The following SYT17 variants were observed in gnomAD, a reference collection of about 807,000 sequenced individuals.
SYT17 encodes the protein synaptotagmin 17, also known as synaptotagmin-17.
A neutral mutation model predicts 46.7 loss-of-function variants in SYT17; 22 were observed. The observed-to-expected ratio is 0.47, with a 90% CI of 0.34 to 0.67. The LOEUF (loss-of-function observed/expected upper bound fraction) is 0.67, where lower values mean the gene tolerates loss of function less well. SYT17 is among the 30% of genes least tolerant of loss of function. The pLI, the probability that SYT17 is intolerant of heterozygous loss-of-function variation, is 0.01. For missense variants in SYT17, 519 were observed against 612.8 expected (o/e 0.85, Z 1.62); for synonymous variants, 251 against 248.4 (o/e 1.01, Z -0.10).
chr16:19,230,516 G>A lies in SYT17; in HGVS notation c.1228+5678G>A, dbSNP rs1966643040. 3.9e-5 allele frequency among the ~76,000 whole-genome samples: 6 copies of A among 152,186 alleles called. No homozygotes were observed. The South Asian group carries it at 1.2e-3, about 32-fold the overall frequency. On this transcript the variant is annotated intron_variant, in intron 7 of 7. Transcript: ENST00000355377. ...AAAAATGGTTACTTTTATGTTACAC[G>A]TATTTTGCTATAATTAGAAGGAAAG...
At chr16:19,239,229 A>T (rs1325009875) in intron 7 of SYT17, among the ~76,000 whole-genome samples, 1 of 152,098 alleles carries the variant, frequency 6.6e-6, no homozygotes, top group African/African-American at 2.4e-5. Flanking sequence ...GTGAGCTATA[A>T]TCATACCACT....
At chr16:19,242,823 C>A (rs1199915156) in intron 7 of SYT17, among the ~76,000 whole-genome samples, 3 of 152,122 alleles carry the variant, frequency 2.0e-5, no homozygotes, top group Non-Finnish European at 2.9e-5. Flanking sequence ...GCCACCACAC[C>A]CAGCCTTAGA....
chr16:19,256,119 G>C (rs190004700), intron 7 of SYT17, among the ~76,000 whole-genome samples: 4 of 152,164 alleles, frequency 2.6e-5, no homozygotes, highest in African/African-American at 9.7e-5. Flanking sequence ...TTGTTGTGCG[G>C]ATTAAATTTG....
chr16:19,183,937 C>G lies in SYT17; in HGVS notation c.741C>G (p.Val247=). 1 of 1,614,224 alleles carries G rather than the reference C, an allele frequency of 6.2e-7. No individual in the cohort carries two copies. Among genetic ancestry groups the G allele is most frequent in the Non-Finnish European group, 8.5e-7 (1 of 1,180,050 alleles). The change falls in exon 5 of 8, where the codon GTC becomes GTG. Residue 247 remains valine, a synonymous_variant. Transcript: ENST00000355377. This position sits in a 1 kb window ranked among gnomAD's most constrained non-coding sequence, Gnocchi z 5.6. ...PDQKNSKQTG[V]KRKTQKPVFE... is the part of the protein sequence containing the mutation. Reference sequence around the variant, plus strand: ...AGAAGAACTCAAAGCAGACCGGGGTCAAACGCAAGACCCAGAAGCCCGTGT... The same window carrying G: ...AGAAGAACTCAAAGCAGACCGGGGTGAAACGCAAGACCCAGAAGCCCGTGT...
intron 1 of SYT17, chr16:19,172,350 G>C (rs978297665): frequency 7.2e-7 from 1 of 1,382,466 alleles, no homozygotes; most frequent in African/African-American, 1.5e-5. Flanking sequence ...GTGCCTGCCT[G>C]CATGTTAGCT....
At chr16:19,178,720 G>C (rs1036133147) in intron 3 of SYT17, among the ~76,000 whole-genome samples, 25 of 152,138 alleles carry the variant, frequency 1.6e-4, no homozygotes, top group East Asian at 9.6e-4. Flanking sequence ...TGTCAAGTTG[G>C]GGGGTATGCA....
At chr16:19,256,258 T>C (rs2142999509) in intron 7 of SYT17, among the ~76,000 whole-genome samples, 1 of 152,058 alleles carries the variant, frequency 6.6e-6, no homozygotes, top group African/African-American at 2.4e-5. Flanking sequence ...GCTGCTTGAC[T>C]GAACAGGGAG....
intron 7 of SYT17, among the ~76,000 whole-genome samples, chr16:19,235,704 G>T (rs867312867): frequency 6.6e-6 from 1 of 152,180 alleles, no homozygotes; most frequent in Non-Finnish European, 1.5e-5. Flanking sequence ...TGAAAAGAAT[G>T]ATAAGGTAGA....
chr16:19,177,993 C>T (rs1195977218), intron 3 of SYT17, among the ~76,000 whole-genome samples: 1 of 152,076 alleles, frequency 6.6e-6, no homozygotes, highest in Non-Finnish European at 1.5e-5. Context: ...AACAGTGGTG[C>T]AAATTAGTTA....
chr16:19,266,931 T>C lies in SYT17; in HGVS notation c.1280T>C (p.Ile427Thr), dbSNP rs528279520. The part of the protein sequence containing the change: ...SSNDFIGRIV[I>T]GQYSSGPSET... ...AATGACTTCATCGGGAGGATCGTCA[T>C]TGGCCAGTACTCTTCAGGCCCCTCT... Residue 427 changes from isoleucine to threonine, a missense_variant, in exon 8 of 8, where the codon ATT becomes ACT. Coordinates refer to ENST00000355377, the MANE Select transcript of SYT17 (RefSeq NM_016524.4). 1.2e-6 allele frequency: 2 copies of C among 1,613,712 alleles called. No homozygotes were observed. Among genetic ancestry groups the C allele is most frequent in the Admixed American group, 1.7e-5 (1 of 59,984 alleles).
intron 3 of SYT17, among the ~76,000 whole-genome samples, chr16:19,174,424 C>G (rs1964232187): frequency 6.6e-6 from 1 of 152,146 alleles, no homozygotes; most frequent in Admixed American, 6.5e-5. Context: ...GGGAGACAGA[C>G]AGCGGCCAGG....
intron 7 of SYT17, among the ~76,000 whole-genome samples, chr16:19,233,875 T>C (rs1596993970): frequency 1.3e-5 from 2 of 152,076 alleles, no homozygotes; most frequent in African/African-American, 4.8e-5. Flanking sequence ...AGCCCACCCA[T>C]GACATACCTT....
chr16:19,238,701 G>T (rs941488696), intron 7 of SYT17, among the ~76,000 whole-genome samples: 1 of 152,180 alleles, frequency 6.6e-6, no homozygotes, highest in African/African-American at 2.4e-5. Context: ...GAGCATCGGG[G>T]AGCTGAGGGT....
At chr16:19,216,680 G>C (rs565484146) in intron 5 of SYT17, among the ~76,000 whole-genome samples, 53 of 152,096 alleles carry the variant, frequency 3.5e-4, no homozygotes, top group Non-Finnish European at 6.6e-4. Flanking sequence ...ATGGTTTCCA[G>C]CTTCATCCAT....
At chr16:19,193,655 T>A (rs1322493426) in intron 5 of SYT17, among the ~76,000 whole-genome samples, 1 of 152,110 alleles carries the variant, frequency 6.6e-6, no homozygotes, top group Non-Finnish European at 1.5e-5. Context: ...GCATTTTCTT[T>A]AGGAAGTGAT....
intron 3 of SYT17, among the ~76,000 whole-genome samples, chr16:19,176,418 T>C (rs1425327905): frequency 6.6e-6 from 1 of 152,104 alleles, no homozygotes; most frequent in Non-Finnish European, 1.5e-5. Flanking sequence ...ACTGAACTAT[T>C]AGACCAGGGG....
intron 6 of SYT17, 36 bp downstream of exon 6, chr16:19,223,201 A>G (rs1459751874): frequency 1.2e-6 from 2 of 1,607,248 alleles, no homozygotes; most frequent in Non-Finnish European, 1.7e-6. Flanking sequence ...CACTTTATTA[A>G]TGGGGCATCT....
intron 5 of SYT17, among the ~76,000 whole-genome samples, chr16:19,216,096 A>C (rs533085116): frequency 3.4e-4 from 52 of 152,268 alleles, no homozygotes; most frequent in Non-Finnish European, 3.8e-4. Flanking sequence ...AACACATCCA[A>C]ACCATATCAA....
intron 7 of SYT17, among the ~76,000 whole-genome samples, chr16:19,226,471 C>G (rs2142885470): frequency 6.6e-6 from 1 of 152,310 alleles, no homozygotes; most frequent in East Asian, 1.9e-4. Context: ...TTGCAAATGT[C>G]TATCCTCTGA....
Sources: allele counts gnomAD v4.1 joint callset (sites outside exome capture counted in the v4.1 genomes callset), GRCh38; gene constraint gnomAD v4.1.1; non-coding constraint Gnocchi (gnomAD v3.1); transcripts MANE v1.5; gene names NCBI Gene and HGNC (gene_info 2026-07-23, HGNC 2026-07-21).